Variants in MYO3B observed in about 807,000 individuals in gnomAD.
The protein encoded by MYO3B is myosin-IIIb.
A neutral mutation model predicts 174.6 loss-of-function variants in MYO3B; 156 were observed. That is an observed-to-expected ratio of 0.89 (90% CI 0.78 to 1.02). MYO3B has a LOEUF of 1.02. Among genes scored for constraint, MYO3B ranks in the 50% least tolerant of loss-of-function variants. The pLI, the probability that MYO3B is intolerant of heterozygous loss-of-function variation, is 0.00. For missense variants in MYO3B, 1,632 were observed against 1,639.4 expected (o/e 1.00, Z 0.08); for synonymous variants, 563 against 569.1 (o/e 0.99, Z 0.15).
intron 7 of MYO3B, among the ~76,000 whole-genome samples, chr2:170,298,850 C>T (rs1051413701): frequency 6.6e-6 from 1 of 152,008 alleles, no homozygotes; most frequent in Non-Finnish European, 1.5e-5. Flanking sequence ...ACAGTGGTCC[C>T]TTAAGCTTAT....
chr2:170,453,455 A>ACACACACACACACACAC (rs1559016281), intron 23 of MYO3B, among the ~76,000 whole-genome samples: 148 of 102,136 alleles, frequency 1.4e-3, no homozygotes, highest in South Asian at 2.0e-3. Flanking sequence ...CACACACACG[A>ACACACACACACACACAC]GAGAGAGAGA....
At chr2:170,218,610 C>T (rs2092857125) in intron 6 of MYO3B, among the ~76,000 whole-genome samples, 1 of 152,210 alleles carries the variant, frequency 6.6e-6, no homozygotes, top group Non-Finnish European at 1.5e-5. Context: ...ACTCAGTTCT[C>T]CTACTACTTT....
chr2:170,628,251 C>T (rs953709710), intron 32 of MYO3B, among the ~76,000 whole-genome samples: 4 of 152,208 alleles, frequency 2.6e-5, no homozygotes, highest in Non-Finnish European at 5.9e-5. Context: ...CAGTGGCAGG[C>T]GCCCCACCCC....
intron 8 of MYO3B, among the ~76,000 whole-genome samples, chr2:170,348,877 A>G (rs1223724400): frequency 2.6e-5 from 4 of 152,302 alleles, no homozygotes; most frequent in Admixed American, 6.5e-5. Flanking sequence ...TTTTCTGGCT[A>G]CCCAGAACAT....
chr2:170,277,851 C>T lies in MYO3B; in HGVS notation c.749+41715C>T, dbSNP rs16858090. ...TACATACATATGCATTTCTGCAATT[C>T]GCTTTTCCCCTGTAGCATTTAAGGG... On this transcript the variant is annotated intron_variant, in intron 7 of 34. Transcript: ENST00000408978. 4.6e-3 allele frequency among the ~76,000 whole-genome samples: 700 copies of T among 152,218 alleles called. 4 individuals carry two copies. In the Middle Eastern group the frequency reaches 0.051, roughly 11 times the overall value.
intron 32 of MYO3B, among the ~76,000 whole-genome samples, chr2:170,580,340 T>A (rs1454437484): frequency 6.6e-6 from 1 of 152,196 alleles, no homozygotes; most frequent in East Asian, 1.9e-4. Context: ...TTCCTTTTCT[T>A]AAAAGCAAGT....
Position 170,543,963 on chromosome 2 carries a change from T to A in MYO3B, c.3708T>A (p.Ser1236Arg), listed in dbSNP as rs1690303874. ...CHPAPDQQGL[S>R]LWGAPQKPGS... ...CTGCTCCAGATCAGCAAGGATTGAGTCTCTGGGGAGCCCCTCAAAAGCCTG... is the reference window on the plus strand; with the variant it reads ...CTGCTCCAGATCAGCAAGGATTGAGACTCTGGGGAGCCCCTCAAAAGCCTG... The change falls in exon 32 of 35, where the codon AGT becomes AGA. Residue 1236 changes from serine to arginine, a missense_variant. Coordinates refer to ENST00000408978, the MANE Select transcript of MYO3B (RefSeq NM_138995.5). 3 of 1,613,192 alleles carry A rather than the reference T, an allele frequency of 1.9e-6. No homozygotes were observed. The highest frequency in any genetic ancestry group is 2.5e-6 in the Non-Finnish European group (3 of 1,179,292).
chr2:170,217,784 G>A (rs2105373078), intron 6 of MYO3B, among the ~76,000 whole-genome samples: 1 of 152,334 alleles, frequency 6.6e-6, no homozygotes, highest in East Asian at 1.9e-4. Flanking sequence ...CTGGCCTACA[G>A]AACTATATGC....
intron 25 of MYO3B, among the ~76,000 whole-genome samples, chr2:170,481,102 A>G (rs772851865): frequency 1.3e-5 from 2 of 152,356 alleles, no homozygotes; most frequent in South Asian, 2.1e-4. Context: ...TCAATTTTCA[A>G]TGAGTAAAAG....
chr2:170,505,124 G>A (rs1368533729), intron 28 of MYO3B, among the ~76,000 whole-genome samples: 1 of 152,050 alleles, frequency 6.6e-6, no homozygotes, highest in Non-Finnish European at 1.5e-5. Flanking sequence ...GGGTACACAA[G>A]GATACATTTC....
intron 32 of MYO3B, among the ~76,000 whole-genome samples, chr2:170,631,770 C>A (rs951770798): frequency 8.5e-5 from 13 of 152,196 alleles, no homozygotes; most frequent in African/African-American, 2.9e-4. Flanking sequence ...TGTGCAGAGA[C>A]ACACACAGGC....
rs758741158 is a variant in MYO3B, at chr2:170,382,046, T to C, written c.1002T>C (p.Tyr334=). Residue 334 remains tyrosine (Y), a synonymous_variant, in exon 10 of 35, where the codon TAT becomes TAC. Coordinates refer to ENST00000408978, the MANE Select transcript of MYO3B (RefSeq NM_138995.5). The part of the protein sequence containing the change: ...RHERMHTRRP[Y]HVEDAEKYCL... ...AGAGGATGCATACCAGAAGACCTTA[T>C]CATGTGGAAGATGCTGAAAAATACT... 22 of 1,613,572 alleles carry C rather than the reference T, an allele frequency of 1.4e-5. No individual in the cohort carries two copies. The highest frequency in any genetic ancestry group is 1.9e-5 in the Non-Finnish European group (22 of 1,179,706).
Position 170,420,295 on chromosome 2 carries a change from A to T in MYO3B, c.2650+12451A>T, listed in dbSNP as rs142106270. Among the ~76,000 whole-genome samples the T allele has an allele frequency of 2.0e-3, 304 of 152,338 alleles. 2 individuals carry two copies. Among genetic ancestry groups the T allele is most frequent in the African/African-American group, 7.0e-3 (292 of 41,580 alleles). ...ATAACTGAAAAATCTATGAAATGGGACTATGCTACGGTTAAGGAGCTGCCA... is the reference window on the plus strand; with the variant it reads ...ATAACTGAAAAATCTATGAAATGGGTCTATGCTACGGTTAAGGAGCTGCCA... On this transcript the variant is annotated intron_variant, in intron 22 of 34. Coordinates refer to ENST00000408978, the MANE Select transcript of MYO3B (RefSeq NM_138995.5).
At chr2:170,465,100 T>C (rs1236669536) in intron 24 of MYO3B, among the ~76,000 whole-genome samples, 4 of 151,946 alleles carry the variant, frequency 2.6e-5, no homozygotes, top group Non-Finnish European at 5.9e-5. Flanking sequence ...CTCGAACTCC[T>C]GACCTTAGGT....
At chr2:170,509,664 G>A (rs1243255700) in intron 28 of MYO3B, among the ~76,000 whole-genome samples, 2 of 152,184 alleles carry the variant, frequency 1.3e-5, no homozygotes, top group Non-Finnish European at 2.9e-5. Context: ...TAAGACTTAG[G>A]TGTGCTCCTG....
chr2:170,613,576 C>G (rs1382847874), intron 32 of MYO3B, among the ~76,000 whole-genome samples: 1 of 152,196 alleles, frequency 6.6e-6, no homozygotes, highest in Non-Finnish European at 1.5e-5. Context: ...ATGGTTAATA[C>G]TGAGTGTCAA....
At chr2:170,499,589 G>A in intron 26 of MYO3B, 57 bp from the exon 27 acceptor site, 1 of 1,473,622 alleles carries the variant, frequency 6.8e-7, no homozygotes, top group Admixed American at 1.7e-5. Context: ...TGCTGTAGTA[G>A]AGTGAATTTC....
intron 22 of MYO3B, among the ~76,000 whole-genome samples, chr2:170,440,260 A>G (rs2094789447): frequency 6.6e-6 from 1 of 152,056 alleles, no homozygotes; most frequent in African/African-American, 2.4e-5. Context: ...TGTTTTGGCT[A>G]TTCTGGGTCC....
chr2:170,213,239 G>A (rs980603625), intron 3 of MYO3B, among the ~76,000 whole-genome samples: 1 of 152,142 alleles, frequency 6.6e-6, no homozygotes, highest in Non-Finnish European at 1.5e-5. Context: ...GGTTTATTCC[G>A]CCGGGAGCAT....
Sources: gnomAD v4.1 joint callset for allele counts (sites outside exome capture counted in the v4.1 genomes callset) on GRCh38, gnomAD v4.1.1 for gene constraint, MANE v1.5 for transcripts, NCBI Gene and HGNC (gene_info 2026-07-23, HGNC 2026-07-21) for gene names.